The following C1orf21 variants were observed in gnomAD, a reference collection of about 807,000 sequenced individuals.
C1orf21 encodes uncharacterized protein C1orf21.
C1orf21 carries 3 observed loss-of-function variants against 18.7 expected under a neutral mutation model. The observed-to-expected ratio is 0.16, with a 90% confidence interval of 0.07 to 0.42. C1orf21 has a LOEUF of 0.42. Ranked by LOEUF, C1orf21 falls within the 10% of genes least tolerant of loss-of-function variation. The pLI is 0.99. For synonymous variants in C1orf21, 41 were observed against 46.4 expected (o/e 0.88, Z 0.47); for missense variants, 104 against 143.6 (o/e 0.72, Z 1.41).
At chr1:184,490,222 G>C (rs1430415522) in intron 2 of C1orf21, among the ~76,000 whole-genome samples, 1 of 152,230 alleles carries the variant, frequency 6.6e-6, no homozygotes, top group East Asian at 1.9e-4. Flanking sequence ...TAGGTGCTGT[G>C]CTAGGCACGG....
At chr1:184,613,646 C>T (rs1405812890) in intron 5 of C1orf21, among the ~76,000 whole-genome samples, 3 of 152,142 alleles carry the variant, frequency 2.0e-5, no homozygotes, top group African/African-American at 7.2e-5. Flanking sequence ...ACAGCCTCCA[C>T]CCTGCTACCC....
At chr1:184,465,088 A>C (rs1164897293) in intron 1 of C1orf21, among the ~76,000 whole-genome samples, 1 of 152,172 alleles carries the variant, frequency 6.6e-6, no homozygotes, top group Non-Finnish European at 1.5e-5. Context: ...TAATTTGTAA[A>C]ATTAGGAACC....
At chr1:184,400,073 T>A (rs978937041) in intron 1 of C1orf21, among the ~76,000 whole-genome samples, 2 of 152,222 alleles carry the variant, frequency 1.3e-5, no homozygotes, top group African/African-American at 4.8e-5. Context: ...TTTATGTGTT[T>A]TAATCCCTTG....
intron 3 of C1orf21, among the ~76,000 whole-genome samples, chr1:184,534,261 A>C (rs983045890): frequency 6.6e-6 from 1 of 152,328 alleles, no homozygotes; most frequent in Middle Eastern, 3.4e-3. Flanking sequence ...GTTTAAGCGA[A>C]TTTAGAAAGG....
intron 1 of C1orf21, among the ~76,000 whole-genome samples, chr1:184,410,619 A>T (rs539042915): frequency 0.032 from 171 of 5,276 alleles, 1 homozygote; most frequent in South Asian, 0.057. Context: ...CATATATATT[A>T]TATATATATA....
At chr1:184,515,749 A>G (rs1222355645) in intron 3 of C1orf21, among the ~76,000 whole-genome samples, 1 of 152,142 alleles carries the variant, frequency 6.6e-6, no homozygotes, top group African/African-American at 2.4e-5. Context: ...AAGCCATTTG[A>G]TGATGGATTT....
intron 1 of C1orf21, among the ~76,000 whole-genome samples, chr1:184,398,296 T>C (rs1656094585): frequency 1.3e-5 from 2 of 152,244 alleles, no homozygotes; most frequent in Admixed American, 1.3e-4. Flanking sequence ...TTACCTCTTC[T>C]TCACAGACAG....
At chr1:184,444,873 T>C (rs920096827) in intron 1 of C1orf21, among the ~76,000 whole-genome samples, 1 of 152,096 alleles carries the variant, frequency 6.6e-6, no homozygotes, top group Non-Finnish European at 1.5e-5. Context: ...TCTAGGGAGA[T>C]CAAAAGAGGA....
intron 3 of C1orf21, among the ~76,000 whole-genome samples, chr1:184,574,801 C>A (rs1184799255): frequency 6.6e-6 from 1 of 152,282 alleles, no homozygotes; most frequent in African/African-American, 2.4e-5. Flanking sequence ...GCCGTGAGAG[C>A]AGCAGGGGAT....
At chr1:184,415,971 C>T (rs1406188519) in intron 1 of C1orf21, among the ~76,000 whole-genome samples, 2 of 151,982 alleles carry the variant, frequency 1.3e-5, no homozygotes, top group Admixed American at 6.5e-5. Flanking sequence ...GGAATATAAT[C>T]GGGAACCTTA....
chr1:184,620,422 A>G lies in C1orf21; in HGVS notation c.*866A>G, dbSNP rs772905176. The G allele has an allele frequency of 6.5e-6, 1 of 152,674 alleles. No individual in the cohort carries two copies. Among genetic ancestry groups the G allele is most frequent in the Non-Finnish European group, 1.5e-5 (1 of 68,022 alleles). The allele number at this position is 152,674 out of a possible 1,614,324, so 9.5% of individuals were successfully genotyped here. ...TTGCATTGACACTGATAATTAGCCT[A>G]TAGGGCTCCCTACCCTTCCATTAAG... is the stretch of plus-strand genomic sequence containing the variant. On this transcript the variant is annotated 3_prime_UTR_variant, in exon 6 of 6. Coordinates refer to ENST00000235307, the MANE Select transcript of C1orf21 (RefSeq NM_030806.4).
At chr1:184,420,987 T>C (rs1039413916) in intron 1 of C1orf21, among the ~76,000 whole-genome samples, 6 of 152,226 alleles carry the variant, frequency 3.9e-5, no homozygotes, top group Non-Finnish European at 8.8e-5. Flanking sequence ...CCTTTCTATG[T>C]GACTGGGCTG....
intron 1 of C1orf21, among the ~76,000 whole-genome samples, chr1:184,460,620 G>GTCGTCT (rs1284129710): frequency 1.5e-3 from 166 of 112,094 alleles, no homozygotes; most frequent in African/African-American, 5.5e-3. Flanking sequence ...TGTCGTCGTC[G>GTCGTCT]TCTTCTTCTT....
intron 1 of C1orf21, among the ~76,000 whole-genome samples, chr1:184,451,984 C>T (rs1466389550): frequency 1.3e-5 from 2 of 152,152 alleles, no homozygotes; most frequent in African/African-American, 4.8e-5. Context: ...ACTCCTCAGT[C>T]CCCAATTAAT....
At chr1:184,551,149 C>T (rs1658807034) in intron 3 of C1orf21, among the ~76,000 whole-genome samples, 1 of 152,164 alleles carries the variant, frequency 6.6e-6, no homozygotes, top group Non-Finnish European at 1.5e-5. Context: ...TGGAATACAG[C>T]AATCCCATGG....
chr1:184,606,479 C>G (rs1659648713), intron 5 of C1orf21, among the ~76,000 whole-genome samples: 1 of 152,178 alleles, frequency 6.6e-6, no homozygotes. Context: ...ACTTGAGAGG[C>G]TGAGGCAGGA....
intron 2 of C1orf21, among the ~76,000 whole-genome samples, chr1:184,482,368 G>T (rs1277931468): frequency 6.6e-6 from 1 of 152,190 alleles, no homozygotes; most frequent in Non-Finnish European, 1.5e-5. Flanking sequence ...TACATTTGCT[G>T]CCTTCTGTTG....
chr1:184,614,938 G>A (rs1454819048), intron 5 of C1orf21, among the ~76,000 whole-genome samples: 1 of 152,220 alleles, frequency 6.6e-6, no homozygotes, highest in African/African-American at 2.4e-5. Flanking sequence ...CCATGGACCA[G>A]TAGCGGTCCA....
At chr1:184,617,342 G>T (rs1008607014) in intron 5 of C1orf21, among the ~76,000 whole-genome samples, 1 of 152,158 alleles carries the variant, frequency 6.6e-6, no homozygotes, top group South Asian at 2.1e-4. Flanking sequence ...CTCTCCACCT[G>T]AATACTTGGG....
Sources: gnomAD v4.1 joint callset for allele counts (sites outside exome capture counted in the v4.1 genomes callset) on GRCh38, gnomAD v4.1.1 for gene constraint, MANE v1.5 for transcripts, NCBI Gene and HGNC (gene_info 2026-07-23, HGNC 2026-07-21) for gene names.